ZNF410: variants seen among roughly 807,000 people sequenced by gnomAD.
The protein encoded by ZNF410 is zinc finger protein 410.
Under a neutral mutation model 54.8 loss-of-function variants are expected in ZNF410, and 18 were observed. That is an observed-to-expected ratio of 0.33 (90% CI 0.23 to 0.49). ZNF410 has a LOEUF of 0.49. ZNF410 is among the 20% of genes least tolerant of loss of function. The pLI is 0.99. For missense variants in ZNF410, 405 were observed against 569.6 expected (o/e 0.71, Z 2.94); for synonymous variants, 191 against 207.3 (o/e 0.92, Z 0.68).
intron 5 of ZNF410, 49 bp from the exon 6 acceptor site, chr14:73,903,911 A>G (rs1178532240): frequency 6.2e-7 from 1 of 1,607,306 alleles, no homozygotes. Flanking sequence ...GAGCCTAAGT[A>G]TCTGAGTAGG....
At position 73,932,393 on chromosome 14, in the gene ZNF410, A is replaced by AC. The variant is rs1296351118; in HGVS notation, c.*854dup. 3 of 441,536 alleles carry AC rather than the reference A, an allele frequency of 6.8e-6. No individual in the cohort carries two copies. The Admixed American group carries it at 7.9e-5, about 12-fold the overall frequency. The allele number at this position is 441,536 out of a possible 1,614,324, so 27.4% of individuals were successfully genotyped here. On this transcript the variant is annotated 3_prime_UTR_variant, in exon 12 of 12. Transcript: ENST00000555044. ...TAGGATTCCATACCAGTAAAACTGA[A>AC]CCGAGGAGTCTTAGGAAACAACAAG...
In ZNF410 at chr14:73,896,412, C is replaced by T. The variant is rs769091601; in HGVS notation, c.266C>T (p.Thr89Met). The T allele has an allele frequency of 2.5e-6, 4 of 1,614,170 alleles. No individual in the cohort carries two copies. Among genetic ancestry groups the T allele is most frequent in the South Asian group, 1.1e-5 (1 of 91,084 alleles). ...AATGTGGGTCCAGACGGAGAGGAGA[C>T]GAGAGCTCAGACTGTACAGAAATCC... is the stretch of plus-strand genomic sequence containing the variant. Reference protein sequence around the residue: ...RVNVGPDGEETRAQTVQKSPE... With the variant: ...RVNVGPDGEEMRAQTVQKSPE... The change falls in exon 4 of 12, where the codon ACG becomes ATG. Residue 89 changes from threonine to methionine, a missense_variant. Thr to Met is a moderately conservative substitution (Grantham distance 81). This residue lies in a region of ZNF410 where 247 missense variants were observed against 342.8 expected (regional missense o/e 0.72). Coordinates refer to ENST00000555044, the MANE Select transcript of ZNF410 (RefSeq NM_021188.3).
At position 73,921,968 on chromosome 14, in the gene ZNF410, C is replaced by G. The variant is rs999300929; in HGVS notation, c.1130-98C>G. The G allele has an allele frequency of 5.3e-5, 78 of 1,458,234 alleles. No individual in the cohort carries two copies. In the African/African-American group the frequency reaches 1.1e-3, roughly 20 times the overall value. 90.3% of individuals were successfully genotyped at this position (1,458,234 alleles called of 1,614,324 possible). Reference sequence around the variant, plus strand: ...TGGCATCCCATCTATAGGTTAACTTCTAGTAATGAAAGAGAAGGCCAGCTT... The same window carrying G: ...TGGCATCCCATCTATAGGTTAACTTGTAGTAATGAAAGAGAAGGCCAGCTT... On this transcript the variant is annotated intron_variant, in intron 9 of 11. Transcript: ENST00000555044.
At chr14:73,897,429 T>C (rs920533581) in intron 4 of ZNF410, among the ~76,000 whole-genome samples, 9 of 152,110 alleles carry the variant, frequency 5.9e-5, no homozygotes, top group African/African-American at 1.9e-4. Flanking sequence ...TGCTGGCCGA[T>C]AGAGAGGAAC....
At chr14:73,923,255 C>T (rs943927731) in intron 10 of ZNF410, 140 bp from the exon 11 acceptor site, 64 of 945,400 alleles carry the variant, frequency 6.8e-5, no homozygotes, top group Admixed American at 3.3e-4. Flanking sequence ...GCTTATCAGA[C>T]AGGATTAACT....
Position 73,918,713 on chromosome 14 carries a change from T to C in ZNF410, c.1004-2267T>C, listed in dbSNP as rs56395320. Among the ~76,000 whole-genome samples the C allele has an allele frequency of 6.8e-3, 422 of 62,164 alleles. 2 individuals carry two copies. Among genetic ancestry groups the C allele is most frequent in the African/African-American group, 0.016 (397 of 25,184 alleles). 40.8% of individuals were successfully genotyped at this position (62,164 alleles called of 152,430 possible). A position where few individuals can be genotyped will look rare whatever the true frequency, so the allele number is the denominator to read the frequency against. ...TTTTTTTTTTTTTTTTTTTTTTTTT[T>C]TCCCCTAAACGGAGTCTTGCTGTCT... On this transcript the variant is annotated intron_variant, in intron 8 of 11. Coordinates refer to ENST00000555044, the MANE Select transcript of ZNF410 (RefSeq NM_021188.3).
At chr14:73,901,827 G>C (rs1447571736) in intron 5 of ZNF410, among the ~76,000 whole-genome samples, 2 of 151,320 alleles carry the variant, frequency 1.3e-5, no homozygotes, top group African/African-American at 4.9e-5. Flanking sequence ...CCAGCTACTT[G>C]GGAGGCTGAG....
intron 3 of ZNF410, among the ~76,000 whole-genome samples, chr14:73,894,925 G>A (rs534068459): frequency 6.6e-6 from 1 of 152,142 alleles, no homozygotes; most frequent in South Asian, 2.1e-4. Context: ...CACATTGGGA[G>A]GCTGAGGCAG....
intron 5 of ZNF410, 154 bp downstream of exon 5, chr14:73,898,416 A>G (rs2055356019): frequency 1.1e-6 from 1 of 901,942 alleles, no homozygotes; most frequent in African/African-American, 1.7e-5. Flanking sequence ...TTTTCTATAA[A>G]ATAACTTGGT....
intron 7 of ZNF410, among the ~76,000 whole-genome samples, chr14:73,908,385 AC>A (rs1352999036): frequency 6.6e-6 from 1 of 151,416 alleles, no homozygotes; most frequent in Non-Finnish European, 1.5e-5. Context: ...TTTTTTTTTT[AC>A]ATTTGTTCTG....
At position 73,903,690 on chromosome 14, in the gene ZNF410, T is replaced by C. The variant is rs553573911; in HGVS notation, c.581-270T>C. ...TGTTTGTTTGTGTTTTGTAAAGATA[T>C]GGTTTCACCATGTTGCCCATGCTAG... On this transcript the variant is annotated intron_variant, in intron 5 of 11. Transcript: ENST00000555044. 6.1e-4 allele frequency: 251 copies of C among 409,482 alleles called. 1 individual carries two copies. The highest frequency in any genetic ancestry group is 4.6e-3 in the African/African-American group (229 of 49,650). 25.4% of individuals were successfully genotyped at this position (409,482 alleles called of 1,614,324 possible). A position where few individuals can be genotyped will look rare whatever the true frequency, so the allele number is the denominator to read the frequency against.
chr14:73,909,613 G>T, intron 8 of ZNF410, 183 bp downstream of exon 8: 1 of 491,520 alleles, frequency 2.0e-6, no homozygotes, highest in African/African-American at 1.9e-5. Flanking sequence ...AGGTTGGGGG[G>T]GGGACATCTA....
chr14:73,914,380 G>C (rs7156534), intron 8 of ZNF410: 2 of 152,172 alleles, frequency 1.3e-5, no homozygotes, highest in African/African-American at 4.8e-5. Context: ...CACCATGTTG[G>C]CCAGGCTAGT....
intron 8 of ZNF410, chr14:73,916,545 T>TA (rs1491286014): frequency 3.9e-5 from 6 of 152,278 alleles, no homozygotes; most frequent in African/African-American, 1.4e-4. Context: ...TTTGTCTTGT[T>TA]ATAGCCTCTC....
chr14:73,893,387 C>T (rs1371953656), intron 2 of ZNF410: 1 of 156,664 alleles, frequency 6.4e-6, no homozygotes, highest in African/African-American at 2.4e-5. Context: ...GCCTGCTACA[C>T]TCTAGGCTGT....
At chr14:73,893,994 T>C in intron 3 of ZNF410, 62 bp downstream of exon 3, 4 of 1,539,586 alleles carry the variant, frequency 2.6e-6, no homozygotes, top group Non-Finnish European at 3.5e-6. Context: ...CTACTCTATG[T>C]TACTGGTGGA....
chr14:73,930,326 TAA>T (rs1051285342), intron 11 of ZNF410, among the ~76,000 whole-genome samples: 26 of 152,082 alleles, frequency 1.7e-4, no homozygotes, highest in Non-Finnish European at 3.1e-4. Context: ...ATTAAACTCT[TAA>T]AAAAAAGTTT....
chr14:73,896,357 T>C lies in ZNF410; in HGVS notation c.211T>C (p.Ser71Pro). 6.2e-7 allele frequency: 1 copy of C among 1,614,138 alleles called. No homozygotes were observed. Among genetic ancestry groups the C allele is most frequent in the South Asian group, 1.1e-5 (1 of 91,080 alleles). ...NHSNSSKEVP[S>P]SAVLRSLRVN... The stretch of plus-strand genomic sequence containing the variant: ...TTCTAACTCCTCCAAGGAGGTCCCT[T>C]CCTCAGCTGTTTTGAGAAGCCTTCG... Residue 71 changes from serine to proline, a missense_variant, in exon 4 of 12, where the codon TCC (serine) becomes CCC (proline). Around this residue, in one of 3 missense-constraint regions of ZNF410, gnomAD observed 247 missense variants for 342.8 expected, o/e 0.72. Coordinates refer to ENST00000555044, the MANE Select transcript of ZNF410 (RefSeq NM_021188.3).
chr14:73,899,538 A>G lies in ZNF410; in HGVS notation c.580+1276A>G, dbSNP rs558147462. Reference sequence around the variant, plus strand: ...GATTCTTCCTGAGATATATGTGCCAATCTCCAGATGCTGAAACCTTCAGCA... The same window carrying G: ...GATTCTTCCTGAGATATATGTGCCAGTCTCCAGATGCTGAAACCTTCAGCA... On this transcript the variant is annotated intron_variant, in intron 5 of 11. Transcript: ENST00000555044. Among the ~76,000 whole-genome samples the G allele has an allele frequency of 6.9e-4, 105 of 152,266 alleles. 2 individuals carry two copies. The South Asian group carries it at 0.021, about 31-fold the overall frequency.
Sources: allele counts gnomAD v4.1 joint callset (sites outside exome capture counted in the v4.1 genomes callset), GRCh38; gene constraint gnomAD v4.1.1; regional missense constraint gnomAD v4.1.1; transcripts MANE v1.5; gene names NCBI Gene and HGNC (gene_info 2026-07-23, HGNC 2026-07-21).